PAG1: variants seen among roughly 807,000 people sequenced by gnomAD.
The protein encoded by PAG1 is phosphoprotein associated with glycosphingolipid-enriched microdomains 1.
In PAG1, 23 loss-of-function variants were observed where a neutral mutation model predicts 31.7. The observed-to-expected ratio is 0.73, with a 90% CI of 0.52 to 1.03. PAG1 has a LOEUF of 1.03. Ranked by LOEUF, PAG1 falls within the 50% of genes least tolerant of loss-of-function variation. PAG1 has a pLI of 0.00. For synonymous variants in PAG1, 214 were observed against 210.3 expected, an observed-to-expected ratio of 1.02 and a Z score of -0.15; for missense variants, 473 against 540.7, an observed-to-expected ratio of 0.87 and a Z score of 1.24.
At position 81,059,274 on chromosome 8, in the gene PAG1, C is replaced by CTT. The variant is rs34306813; in HGVS notation, c.-175+10836_-175+10837dup. Among the ~76,000 whole-genome samples, 164 of 146,736 alleles carry CTT rather than the reference C, an allele frequency of 1.1e-3. 4 individuals are homozygous for CTT. Among genetic ancestry groups the CTT allele is most frequent in the Middle Eastern group, 0.01 (3 of 290 alleles). On this transcript the variant is annotated intron_variant, in intron 2 of 8. Transcript: ENST00000220597. ...CACATTCAGTACAGAGGCAAACATT[C>CTT]TTTTTTTTTTTTTCTTTGAATGCTT...
intron 2 of PAG1, among the ~76,000 whole-genome samples, chr8:81,064,941 TC>T (rs1245652721): frequency 6.6e-6 from 1 of 152,208 alleles, no homozygotes; most frequent in Non-Finnish European, 1.5e-5. Context: ...CCTAGAAGCC[TC>T]CTCTGAAGAG....
At chr8:80,976,992 C>G in intron 8 of PAG1, 86 bp from the exon 9 acceptor site, 1 of 1,283,540 alleles carries the variant, frequency 7.8e-7, no homozygotes, top group South Asian at 1.4e-5. Context: ...ACTGAGCACT[C>G]CTGGGTTTCT....
intron 2 of PAG1, among the ~76,000 whole-genome samples, chr8:81,046,526 C>T (rs1438711673): frequency 6.6e-6 from 1 of 152,106 alleles, no homozygotes; most frequent in Non-Finnish European, 1.5e-5. Flanking sequence ...ACAGGACAGA[C>T]CTATAGCAAA....
Position 80,985,211 on chromosome 8 carries a change from C to T in PAG1, c.441G>A (p.Thr147=), listed in dbSNP as rs1866275. 0.011 allele frequency: 17,993 copies of T among 1,613,994 alleles called. 1,513 individuals are homozygous for T. In the African/African-American group the frequency reaches 0.2, roughly 18 times the overall value. ...PPESAVDTML[T]ARSVDGDQGL... ...CCTGGTCCCCGTCCACACTTCTCGC[C>T]GTGAGCATGGTATCCACTGCGCTCT... The change falls in exon 7 of 9, where the codon ACG becomes ACA. Residue 147 remains threonine (T), a synonymous_variant. Coordinates refer to ENST00000220597, the MANE Select transcript of PAG1 (RefSeq NM_018440.4).
At chr8:80,986,338 C>T (rs1807419543) in intron 6 of PAG1, among the ~76,000 whole-genome samples, 1 of 152,172 alleles carries the variant, frequency 6.6e-6, no homozygotes, top group Non-Finnish European at 1.5e-5. Flanking sequence ...AGACAGAGAA[C>T]AGGCACTGGT....
At chr8:80,980,551 C>T (rs1807279044) in intron 7 of PAG1, 57 bp from the exon 8 acceptor site, 15 of 1,087,024 alleles carry the variant, frequency 1.4e-5, no homozygotes, top group Non-Finnish European at 2.0e-5. Context: ...TCTAACCTTT[C>T]TTTTGCACAT....
intron 2 of PAG1, among the ~76,000 whole-genome samples, chr8:81,056,468 G>A (rs1441874932): frequency 2.0e-5 from 3 of 152,100 alleles, no homozygotes; most frequent in Admixed American, 2.0e-4. Context: ...AAGAAATGGG[G>A]AAAGGATTCC....
chr8:81,108,795 G>A (rs917296866), intron 1 of PAG1, among the ~76,000 whole-genome samples: 4 of 152,112 alleles, frequency 2.6e-5, no homozygotes, highest in African/African-American at 9.7e-5. Flanking sequence ...CCCATGACAT[G>A]GGGTACTAAG....
intron 2 of PAG1, among the ~76,000 whole-genome samples, chr8:81,064,584 C>T (rs1266984598): frequency 6.6e-6 from 1 of 152,064 alleles, no homozygotes; most frequent in Non-Finnish European, 1.5e-5. Flanking sequence ...AACTAGAAAA[C>T]CTAACACACA....
chr8:81,028,194 C>A (rs576256885), intron 3 of PAG1, among the ~76,000 whole-genome samples: 3 of 152,336 alleles, frequency 2.0e-5, no homozygotes, highest in African/African-American at 7.2e-5. Flanking sequence ...AAATGCCAGG[C>A]CTCAGTCACA....
intron 1 of PAG1, among the ~76,000 whole-genome samples, chr8:81,070,477 G>A (rs768629786): frequency 4.6e-5 from 7 of 152,050 alleles, no homozygotes; most frequent in Non-Finnish European, 7.4e-5. Flanking sequence ...TCCATACTTC[G>A]TTTTAATCAT....
At chr8:81,086,580 G>C (rs180973075) in intron 1 of PAG1, among the ~76,000 whole-genome samples, 1 of 152,004 alleles carries the variant, frequency 6.6e-6, no homozygotes, top group Admixed American at 6.6e-5. Flanking sequence ...GAAACATATA[G>C]AAGTGGAATA....
chr8:81,051,913 G>A (rs544766386), intron 2 of PAG1, among the ~76,000 whole-genome samples: 7 of 152,148 alleles, frequency 4.6e-5, no homozygotes, highest in African/African-American at 1.7e-4. Context: ...GGCGGATCAC[G>A]AGGTCAGGAG....
At chr8:81,075,598 T>C (rs1391854215) in intron 1 of PAG1, among the ~76,000 whole-genome samples, 1 of 152,242 alleles carries the variant, frequency 6.6e-6, no homozygotes, top group African/African-American at 2.4e-5. Flanking sequence ...TCTTACTTAA[T>C]GCTCACAAGG....
At chr8:81,075,511 G>A (rs541530551) in intron 1 of PAG1, among the ~76,000 whole-genome samples, 7 of 152,272 alleles carry the variant, frequency 4.6e-5, no homozygotes, top group East Asian at 1.9e-4. Flanking sequence ...AGATGCTGTC[G>A]TGTATGAGTT....
Position 80,973,891 on chromosome 8 carries a change from C to A in PAG1, c.*2653G>T, listed in dbSNP as rs1043813285. 2 of 152,228 alleles carry A rather than the reference C, an allele frequency of 1.3e-5. No individual in the cohort carries two copies. Among genetic ancestry groups the A allele is most frequent in the African/African-American group, 2.4e-5 (1 of 41,454 alleles). The allele number at this position is 152,228 out of a possible 1,614,324, so 9.4% of individuals were successfully genotyped here. A position where few individuals can be genotyped will look rare whatever the true frequency, so the allele number is the denominator to read the frequency against. On this transcript the variant is annotated 3_prime_UTR_variant, in exon 9 of 9. Coordinates refer to ENST00000220597, the MANE Select transcript of PAG1 (RefSeq NM_018440.4). Reference sequence around the variant, plus strand: ...AGCCATCTTTCTAAGGTTCACTCTGCTTCTCTCCCCCAGCCCTCATGGCCT... The same window carrying A: ...AGCCATCTTTCTAAGGTTCACTCTGATTCTCTCCCCCAGCCCTCATGGCCT...
At chr8:81,015,290 T>C (rs922145656) in intron 3 of PAG1, among the ~76,000 whole-genome samples, 5 of 152,220 alleles carry the variant, frequency 3.3e-5, no homozygotes, top group Non-Finnish European at 5.9e-5. Flanking sequence ...TTGTTCTTTG[T>C]ATAGGTTTTG....
chr8:81,084,712 C>A (rs1369361799), intron 1 of PAG1, among the ~76,000 whole-genome samples: 2 of 152,078 alleles, frequency 1.3e-5, no homozygotes, highest in Non-Finnish European at 1.5e-5. Flanking sequence ...TATATTATCT[C>A]AAAAATTTTC....
chr8:80,992,348 G>A (rs184545910), intron 4 of PAG1, among the ~76,000 whole-genome samples: 2 of 152,314 alleles, frequency 1.3e-5, no homozygotes, highest in East Asian at 1.9e-4. Flanking sequence ...TTTAAGTGAC[G>A]CTCCTGGAGT....
Sources: gnomAD v4.1 joint callset for allele counts (sites outside exome capture counted in the v4.1 genomes callset) on GRCh38, gnomAD v4.1.1 for gene constraint, MANE v1.5 for transcripts, NCBI Gene and HGNC (gene_info 2026-07-23, HGNC 2026-07-21) for gene names.